The following CNTNAP2 variants were observed in gnomAD, a reference collection of about 807,000 sequenced individuals.
The protein encoded by CNTNAP2 is contactin associated protein 2, also known as contactin-associated protein-like 2.
CNTNAP2 carries 98 observed loss-of-function variants against 155.2 expected under a neutral mutation model. That is an observed-to-expected ratio of 0.63 (90% CI 0.54 to 0.75). The LOEUF is 0.75. Among genes scored for constraint, CNTNAP2 ranks in the 30% least tolerant of loss-of-function variants. The pLI is 0.00. For missense variants in CNTNAP2, 1,727 were observed against 1,688.1 expected (o/e 1.02, Z -0.40); for synonymous variants, 651 against 631.2 (o/e 1.03, Z -0.47).
chr7:146,280,087 C>T (rs1162896475), intron 1 of CNTNAP2, among the ~76,000 whole-genome samples: 3 of 151,956 alleles, frequency 2.0e-5, no homozygotes, highest in Non-Finnish European at 4.4e-5. Context: ...ACTGTGTGTG[C>T]GTGTCGATGT....
In CNTNAP2 at chr7:147,133,985, C is replaced by A. The variant is rs568543616; in HGVS notation, c.1348+1476C>A. On this transcript the variant is annotated intron_variant, in intron 8 of 23. Coordinates refer to ENST00000361727, the MANE Select transcript of CNTNAP2 (RefSeq NM_014141.6). ...GCAAATCGAAAATATCTGGAGAGAC[C>A]AGAAAAACAGATAAAACAAAAACAA... Among the ~76,000 whole-genome samples the A allele has an allele frequency of 3.3e-5, 5 of 151,900 alleles. No individual in the cohort carries two copies. The East Asian group carries it at 7.8e-4, about 24-fold the overall frequency.
At chr7:146,874,106 G>A (rs1252944032) in intron 3 of CNTNAP2, among the ~76,000 whole-genome samples, 4 of 151,996 alleles carry the variant, frequency 2.6e-5, no homozygotes, top group Non-Finnish European at 5.9e-5. Flanking sequence ...ATTCTCGGGA[G>A]AAGTGAACTC....
chr7:146,912,391 T>C (rs1474823208), intron 3 of CNTNAP2, among the ~76,000 whole-genome samples: 1 of 151,898 alleles, frequency 6.6e-6, no homozygotes, highest in East Asian at 1.9e-4. Flanking sequence ...TTTACATATA[T>C]CTAATAATTG....
chr7:146,636,276 G>T (rs1799598277), intron 1 of CNTNAP2, among the ~76,000 whole-genome samples: 1 of 152,012 alleles, frequency 6.6e-6, no homozygotes, highest in Admixed American at 6.6e-5. Flanking sequence ...AAAACTTATG[G>T]AACTGTATGC....
At position 148,374,427 on chromosome 7, in the gene CNTNAP2, T is replaced by C. The variant is rs186326163; in HGVS notation, c.3476-9222T>C. Among the ~76,000 whole-genome samples the C allele has an allele frequency of 3.6e-3, 541 of 152,334 alleles. 4 individuals are homozygous for C. Among genetic ancestry groups the C allele is most frequent in the African/African-American group, 0.013 (523 of 41,578 alleles). The stretch of plus-strand genomic sequence containing the variant: ...GAGGTCAACACCTTTCTACCCTTTT[T>C]TCCCCATTGTCGCAAATTCTCCTGC... On this transcript the variant is annotated intron_variant, in intron 21 of 23. Coordinates refer to ENST00000361727, the MANE Select transcript of CNTNAP2 (RefSeq NM_014141.6).
At chr7:146,454,724 A>G (rs960965599) in intron 1 of CNTNAP2, among the ~76,000 whole-genome samples, 4 of 152,098 alleles carry the variant, frequency 2.6e-5, no homozygotes, top group African/African-American at 9.7e-5. Context: ...AAACCAAAAT[A>G]AGAGAGATAG....
intron 3 of CNTNAP2, among the ~76,000 whole-genome samples, chr7:146,880,554 G>C (rs1562985118): frequency 6.6e-6 from 1 of 152,174 alleles, no homozygotes; most frequent in Middle Eastern, 3.4e-3. Context: ...CTACACAACA[G>C]TGGAGTTGAA....
intron 9 of CNTNAP2, among the ~76,000 whole-genome samples, chr7:147,374,241 G>T (rs535729368): frequency 6.6e-6 from 1 of 151,936 alleles, no homozygotes; most frequent in Admixed American, 6.6e-5. Context: ...AGCAACTAAC[G>T]TTATAGCCTT....
chr7:147,972,255 TA>T (rs1801345878), intron 14 of CNTNAP2, among the ~76,000 whole-genome samples: 1 of 152,168 alleles, frequency 6.6e-6, no homozygotes, highest in Admixed American at 6.6e-5. Context: ...GTATGCAGAG[TA>T]AACATTTTTT....
chr7:147,625,196 A>G (rs1794945676), intron 12 of CNTNAP2, among the ~76,000 whole-genome samples: 1 of 152,184 alleles, frequency 6.6e-6, no homozygotes, highest in Non-Finnish European at 1.5e-5. Context: ...GTAGCACATC[A>G]GGGTTACCAT....
intron 1 of CNTNAP2, among the ~76,000 whole-genome samples, chr7:146,508,182 C>T (rs866643903): frequency 8.5e-5 from 13 of 152,168 alleles, no homozygotes; most frequent in African/African-American, 2.7e-4. Context: ...TCTCAGTTAT[C>T]GCCATATGGC....
intron 1 of CNTNAP2, among the ~76,000 whole-genome samples, chr7:146,178,521 T>C (rs13239387): frequency 0.13 from 20,030 of 152,206 alleles, 1,468 homozygotes; most frequent in Non-Finnish European, 0.17. Flanking sequence ...GCTTTGGGCA[T>C]GTTTGATTAG....
intron 10 of CNTNAP2, among the ~76,000 whole-genome samples, chr7:147,479,151 C>G (rs1314253591): frequency 6.6e-6 from 1 of 152,196 alleles, no homozygotes; most frequent in Non-Finnish European, 1.5e-5. Context: ...CCTTGTCTTC[C>G]CTCCACGTAG....
At chr7:147,209,406 C>T (rs1026614998) in intron 8 of CNTNAP2, among the ~76,000 whole-genome samples, 7 of 151,788 alleles carry the variant, frequency 4.6e-5, no homozygotes, top group Non-Finnish European at 8.8e-5. Flanking sequence ...AACACTTTTG[C>T]TATATAGAAA....
rs143429767 is a variant in CNTNAP2 at position 146,207,466 on chromosome 7, T to C, written c.97+90493T>C. Among the ~76,000 whole-genome samples, 73 of 152,110 alleles carry C rather than the reference T, an allele frequency of 4.8e-4. No individual in the cohort carries two copies. The East Asian group carries it at 0.011, about 23-fold the overall frequency. On this transcript the variant is annotated intron_variant, in intron 1 of 23. Transcript: ENST00000361727. ...TAGGTTTCCATAAATTTTATCTAGC[T>C]TCCTTCAAATAACATTATACAAATA...
intron 4 of CNTNAP2, among the ~76,000 whole-genome samples, chr7:147,054,608 G>C (rs1468490243): frequency 1.3e-5 from 2 of 151,994 alleles, no homozygotes; most frequent in Non-Finnish European, 2.9e-5. Flanking sequence ...TCCTTTATTA[G>C]CTTTTATTCT....
chr7:148,359,004 C>T (rs1345691424), intron 21 of CNTNAP2, among the ~76,000 whole-genome samples: 1 of 152,250 alleles, frequency 6.6e-6, no homozygotes, highest in Non-Finnish European at 1.5e-5. Context: ...CAGTCAACCA[C>T]AGACTGTGTG....
chr7:146,971,784 GACCCC>G (rs1037719016), intron 3 of CNTNAP2, among the ~76,000 whole-genome samples: 4 of 152,156 alleles, frequency 2.6e-5, no homozygotes, highest in African/African-American at 9.6e-5. Flanking sequence ...CTTCCCATAA[GACCCC>G]ACCTGCTAAT....
intron 11 of CNTNAP2, among the ~76,000 whole-genome samples, chr7:147,494,839 C>T (rs891233787): frequency 3.3e-5 from 5 of 152,096 alleles, no homozygotes; most frequent in Non-Finnish European, 5.9e-5. Context: ...TGTGTCTCTC[C>T]TTTGATACTT....
Sources: gnomAD v4.1 joint callset for allele counts (sites outside exome capture counted in the v4.1 genomes callset) on GRCh38, gnomAD v4.1.1 for gene constraint, MANE v1.5 for transcripts, NCBI Gene and HGNC (gene_info 2026-07-23, HGNC 2026-07-21) for gene names.